Variants in FBXW10B observed in about 807,000 individuals in gnomAD.
FBXW10B encodes F-box and WD repeat domain containing 10B, also known as F-box and WD repeat domain containing protein 10B.
chr17:15,582,040 T>TA, the FBXW10B span, among the ~76,000 whole-genome samples: 1 of 152,028 alleles, frequency 6.6e-6, no homozygotes, highest in South Asian at 2.1e-4. Flanking sequence ...TCACAAAAAA[T>TA]TTAAATATTG....
the FBXW10B span, chr17:15,615,814 A>AG: frequency 6.2e-7 from 1 of 1,613,738 alleles, no homozygotes; most frequent in Non-Finnish European, 8.5e-7. Context: ...TGAGCCCTGA[A>AG]ACACAGAAGA....
chr17:15,614,384 C>T, the FBXW10B span, among the ~76,000 whole-genome samples: 16 of 151,642 alleles, frequency 1.1e-4, no homozygotes, highest in Non-Finnish European at 1.9e-4. Context: ...TTAGTAGAGG[C>T]GGGGTTTCAC....
At chr17:15,618,589 T>C in the FBXW10B span, among the ~76,000 whole-genome samples, 1 of 150,514 alleles carries the variant, frequency 6.6e-6, no homozygotes, top group African/African-American at 2.4e-5. Flanking sequence ...TTTGACTTCT[T>C]GGTCTGGTTT....
the FBXW10B span, among the ~76,000 whole-genome samples, chr17:15,599,221 A>C: frequency 1.0e-4 from 15 of 143,070 alleles, 1 homozygote; most frequent in African/African-American, 4.0e-4. Context: ...TTTTGTGAAG[A>C]ATTAAATGGA....
the FBXW10B span, among the ~76,000 whole-genome samples, chr17:15,611,167 G>C: frequency 6.6e-6 from 1 of 151,922 alleles, no homozygotes; most frequent in Non-Finnish European, 1.5e-5. Flanking sequence ...GGGACTAGAG[G>C]CACTGCCACC....
chr17:15,585,943 CTTT>C, the FBXW10B span, among the ~76,000 whole-genome samples: 8 of 137,180 alleles, frequency 5.8e-5, no homozygotes, highest in Admixed American at 7.3e-5. Flanking sequence ...TCATTTTCTT[CTTT>C]TTTTTTTTTT....
At chr17:15,584,157 T>C in the FBXW10B span, among the ~76,000 whole-genome samples, 1 of 152,256 alleles carries the variant, frequency 6.6e-6, no homozygotes, top group Non-Finnish European at 1.5e-5. Context: ...ATAAGATATT[T>C]ATCCCAACAC....
At chr17:15,619,448 G>A in the FBXW10B span, 1 of 1,613,958 alleles carries the variant, frequency 6.2e-7, no homozygotes. Flanking sequence ...TAGAGGGATG[G>A]AATCGGTTCC....
the FBXW10B span, among the ~76,000 whole-genome samples, chr17:15,601,294 A>T: frequency 6.7e-6 from 1 of 149,622 alleles, no homozygotes; most frequent in African/African-American, 2.4e-5. Flanking sequence ...CTGTAGTCCC[A>T]GCTACTCGGG....
the FBXW10B span, chr17:15,613,548 CA>C: frequency 7.5e-7 from 1 of 1,326,962 alleles, no homozygotes; most frequent in Non-Finnish European, 1.0e-6. Context: ...GGTCCACAGT[CA>C]TATCAGCCTC....
At chr17:15,569,969 C>T in the FBXW10B span, among the ~76,000 whole-genome samples, 1 of 152,190 alleles carries the variant, frequency 6.6e-6, no homozygotes, top group Non-Finnish European at 1.5e-5. Context: ...ATTCCTTGTA[C>T]ATTCTGGGTA....
the FBXW10B span, among the ~76,000 whole-genome samples, chr17:15,608,970 A>G: frequency 6.6e-6 from 1 of 150,480 alleles, no homozygotes; most frequent in South Asian, 2.1e-4. Context: ...GCCTGCCTTC[A>G]TTCGTCCTCC....
the FBXW10B span, among the ~76,000 whole-genome samples, chr17:15,600,145 G>C: frequency 6.6e-6 from 1 of 151,878 alleles, no homozygotes; most frequent in South Asian, 2.1e-4. Context: ...GAACCTGGGA[G>C]GCGGAGCTTG....
chr17:15,618,515 G>T, the FBXW10B span, among the ~76,000 whole-genome samples: 11 of 148,980 alleles, frequency 7.4e-5, no homozygotes, highest in South Asian at 4.3e-4. Context: ...CTACTTTAAG[G>T]TTTCATTTCA....
At chr17:15,597,572 G>T in the FBXW10B span, among the ~76,000 whole-genome samples, 1 of 151,950 alleles carries the variant, frequency 6.6e-6, no homozygotes, top group Non-Finnish European at 1.5e-5. Context: ...GGCAGAGGTT[G>T]CAGTGAGCCA....
chr17:15,608,162 A>ATT, the FBXW10B span, among the ~76,000 whole-genome samples: 3,805 of 131,790 alleles, frequency 0.029, 171 homozygotes, highest in African/African-American at 0.086. Context: ...ATGCATTTGC[A>ATT]TTTTTTTTTT....
chr17:15,614,527 G>C, the FBXW10B span, among the ~76,000 whole-genome samples: 2 of 151,978 alleles, frequency 1.3e-5, no homozygotes, highest in Non-Finnish European at 2.9e-5. Flanking sequence ...ATATACATGT[G>C]CTTTTCAGCT....
chr17:15,571,360 C>T, the FBXW10B span: 2 of 150,076 alleles, frequency 1.3e-5, no homozygotes, highest in East Asian at 1.9e-4. Flanking sequence ...AAAAAAAGTG[C>T]GTAAAAGATT....
At chr17:15,579,329 T>C in the FBXW10B span, among the ~76,000 whole-genome samples, 1 of 152,198 alleles carries the variant, frequency 6.6e-6, no homozygotes, top group East Asian at 1.9e-4. Context: ...CTTCACAATT[T>C]CCTTAAGTTC....
Sources: allele counts gnomAD v4.1 joint callset (sites outside exome capture counted in the v4.1 genomes callset), GRCh38; gene constraint gnomAD v4.1.1; transcripts MANE v1.5; gene names NCBI Gene and HGNC (gene_info 2026-07-23, HGNC 2026-07-21).